The following ABTB2 variants were observed in gnomAD, a reference collection of about 807,000 sequenced individuals.
ABTB2 encodes the protein ankyrin repeat and BTB domain containing 2, also known as ankyrin repeat and BTB/POZ domain-containing protein 2.
Under a neutral mutation model 104.1 loss-of-function variants are expected in ABTB2, and 56 were observed. The ratio of observed to expected loss-of-function variants is 0.54; its 90% CI spans 0.43 to 0.67. ABTB2 has a LOEUF of 0.67. Ranked by LOEUF, ABTB2 falls within the 30% of genes least tolerant of loss-of-function variation. The probability of loss-of-function intolerance (pLI) is 0.00; values close to 1 mark genes in which losing one functional copy is unlikely to be tolerated. For synonymous variants in ABTB2, 606 were observed against 608.2 expected, an observed-to-expected ratio of 1.00 and a Z score of 0.05; for missense variants, 1,279 against 1,407.7, an observed-to-expected ratio of 0.91 and a Z score of 1.46.
At chr11:34,180,967 C>T (rs891378420) in intron 3 of ABTB2, among the ~76,000 whole-genome samples, 10 of 152,148 alleles carry the variant, frequency 6.6e-5, no homozygotes, top group East Asian at 1.9e-4. Flanking sequence ...TGAGGTGGCA[C>T]GATCTCAGCT....
chr11:34,326,606 G>C (rs1855073336), intron 1 of ABTB2, among the ~76,000 whole-genome samples: 1 of 150,836 alleles, frequency 6.6e-6, no homozygotes, highest in African/African-American at 2.4e-5. Flanking sequence ...TTCCAGCCTG[G>C]GTGTCAGAGG....
intron 1 of ABTB2, among the ~76,000 whole-genome samples, chr11:34,337,535 C>T (rs924221626): frequency 2.6e-5 from 4 of 152,216 alleles, no homozygotes; most frequent in African/African-American, 4.8e-5. Context: ...GCATGGAAAA[C>T]GTGGGCTTTG....
At chr11:34,317,301 A>G (rs966850992) in intron 1 of ABTB2, among the ~76,000 whole-genome samples, 16 of 152,138 alleles carry the variant, frequency 1.1e-4, no homozygotes, top group African/African-American at 3.1e-4. Context: ...TCATTAGTAC[A>G]GTGTTTACAG....
At chr11:34,165,385 T>A in intron 7 of ABTB2, 29 bp from the exon 8 acceptor site, 2 of 1,560,230 alleles carry the variant, frequency 1.3e-6, no homozygotes, top group Non-Finnish European at 1.7e-6. Flanking sequence ...AGGAGGGCAC[T>A]GCTCAGCGTG....
At chr11:34,245,432 C>T (rs1047559195) in intron 1 of ABTB2, among the ~76,000 whole-genome samples, 7 of 152,188 alleles carry the variant, frequency 4.6e-5, no homozygotes, top group South Asian at 2.1e-4. Context: ...CTATGGAAGC[C>T]GACTGCAGAC....
intron 1 of ABTB2, among the ~76,000 whole-genome samples, chr11:34,353,587 G>A (rs999204333): frequency 5.3e-5 from 8 of 152,156 alleles, no homozygotes; most frequent in South Asian, 2.1e-4. Context: ...GCTGCTCTAC[G>A]GAGCTGGGAT....
At chr11:34,247,985 A>G (rs1854005324) in intron 1 of ABTB2, among the ~76,000 whole-genome samples, 1 of 152,110 alleles carries the variant, frequency 6.6e-6, no homozygotes, top group Non-Finnish European at 1.5e-5. Flanking sequence ...GGGAGAAAGA[A>G]TAGCTACACC....
chr11:34,326,068 C>G (rs1855067294), intron 1 of ABTB2, among the ~76,000 whole-genome samples: 1 of 151,364 alleles, frequency 6.6e-6, no homozygotes, highest in South Asian at 2.1e-4. Flanking sequence ...TGAGGTAAAA[C>G]CAACTCTTAA....
intron 2 of ABTB2, among the ~76,000 whole-genome samples, chr11:34,199,248 C>T (rs1853305848): frequency 6.6e-6 from 1 of 152,194 alleles, no homozygotes; most frequent in Admixed American, 6.5e-5. Flanking sequence ...GGACAAATGA[C>T]ACCCCTGGAG....
intron 1 of ABTB2, among the ~76,000 whole-genome samples, chr11:34,207,597 A>G (rs1357755761): frequency 6.6e-6 from 1 of 152,198 alleles, no homozygotes; most frequent in Non-Finnish European, 1.5e-5. Context: ...AAGGCTTACT[A>G]TGTGCCAGGC....
rs1853426036 is a variant in ABTB2, at chr11:34,207,680, T to G, written c.884-2990A>C. ...CCACCCATCTTACAGCTGAGAAAAC[T>G]GAGGCCTGAAAAGTTTAGTGGCTTG... is the stretch of plus-strand genomic sequence containing the variant. On this transcript the variant is annotated intron_variant, in intron 1 of 16. Coordinates refer to ENST00000435224, the MANE Select transcript of ABTB2 (RefSeq NM_145804.3). 4.6e-5 allele frequency among the ~76,000 whole-genome samples: 7 copies of G among 152,310 alleles called. No individual in the cohort carries two copies. The South Asian group carries it at 1.5e-3, about 32-fold the overall frequency.
intron 1 of ABTB2, among the ~76,000 whole-genome samples, chr11:34,333,805 C>G (rs922515337): frequency 2.0e-5 from 3 of 152,002 alleles, no homozygotes; most frequent in African/African-American, 7.2e-5. Context: ...GCCTCCAGCT[C>G]AAATCACACA....
rs1471258089 is a variant in ABTB2 at position 34,160,912 on chromosome 11, C to T, written c.2388G>A (p.Lys796=). ...EGLQLMFDIL[K]TSKNDSVIQQ... ...CACTGGCCACACTTACTTTGCTGGT[C>T]TTGAGGATGTCGAACATGAGCTGCA... Residue 796 remains lysine, a synonymous_variant, in exon 11 of 17, where the codon AAG becomes AAA. Coordinates refer to ENST00000435224, the MANE Select transcript of ABTB2 (RefSeq NM_145804.3). 5 of 1,607,642 alleles carry T rather than the reference C, an allele frequency of 3.1e-6. No homozygotes were observed. The Admixed American group carries it at 8.4e-5, about 27-fold the overall frequency.
intron 1 of ABTB2, among the ~76,000 whole-genome samples, chr11:34,255,839 C>T (rs10836171): frequency 0.3 from 45,533 of 151,576 alleles, 7,238 homozygotes; most frequent in African/African-American, 0.4. Flanking sequence ...CATTTTTTTT[C>T]CCCTCCTCTA....
chr11:34,276,860 T>A (rs1854387994), intron 1 of ABTB2, among the ~76,000 whole-genome samples: 1 of 152,170 alleles, frequency 6.6e-6, no homozygotes, highest in Non-Finnish European at 1.5e-5. Context: ...CATGTCTCCA[T>A]CCCTTAGCAG....
chr11:34,250,747 C>T (rs558313650), intron 1 of ABTB2, among the ~76,000 whole-genome samples: 27 of 152,318 alleles, frequency 1.8e-4, no homozygotes, highest in African/African-American at 4.1e-4. Flanking sequence ...CTTCTTTCTG[C>T]GGCTACAAAT....
At chr11:34,275,771 A>T (rs1442749827) in intron 1 of ABTB2, among the ~76,000 whole-genome samples, 1 of 152,212 alleles carries the variant, frequency 6.6e-6, no homozygotes, top group African/African-American at 2.4e-5. Flanking sequence ...GAATAATAAT[A>T]CACTCTGCCA....
intron 1 of ABTB2, among the ~76,000 whole-genome samples, chr11:34,285,910 T>C (rs1251016008): frequency 6.6e-6 from 1 of 152,228 alleles, no homozygotes; most frequent in Admixed American, 6.5e-5. Flanking sequence ...GCAGCCTCTG[T>C]CCTGGGCCTA....
At chr11:34,278,920 C>T (rs1293398789) in intron 1 of ABTB2, among the ~76,000 whole-genome samples, 1 of 152,220 alleles carries the variant, frequency 6.6e-6, no homozygotes, top group Non-Finnish European at 1.5e-5. Context: ...CCAAAGATCC[C>T]AGCCACTGTG....
Sources: gnomAD v4.1 joint callset for allele counts (sites outside exome capture counted in the v4.1 genomes callset) on GRCh38, gnomAD v4.1.1 for gene constraint, MANE v1.5 for transcripts, NCBI Gene and HGNC (gene_info 2026-07-23, HGNC 2026-07-21) for gene names.